Variants in KCNH2 observed in about 807,000 individuals in gnomAD.
KCNH2 encodes the protein potassium voltage-gated channel subfamily H member 2.
A neutral mutation model predicts 95.9 loss-of-function variants in KCNH2; 35 were observed. That is an observed-to-expected ratio of 0.37 (90% confidence interval 0.28 to 0.48). The LOEUF is 0.48. KCNH2 is among the 20% of genes least tolerant of loss of function. The pLI, the probability that KCNH2 is intolerant of heterozygous loss-of-function variation, is 0.99. For synonymous variants in KCNH2, 786 were observed against 754.7 expected (o/e 1.04, Z -0.68); for missense variants, 1,274 against 1,702.9 (o/e 0.75, Z 4.43).
rs1802021837 is a variant in KCNH2, at chr7:150,977,994, C to T, written c.-81G>A. On this transcript the variant is annotated 5_prime_UTR_variant, in exon 1 of 15. Transcript: ENST00000262186. ...CAGCACTAGGCTTCGGGTGGCCCGG[C>T]CGGGCCGTGGTCCCCGCACCCCGCG... 9 of 715,288 alleles carry T rather than the reference C, an allele frequency of 1.3e-5. No homozygotes were observed. The highest frequency in any genetic ancestry group is 1.7e-5 in the Non-Finnish European group (9 of 517,822). 44.3% of individuals were successfully genotyped at this position (715,288 alleles called of 1,614,324 possible). A position where few individuals can be genotyped will look rare whatever the true frequency, so the allele number is the denominator to read the frequency against.
chr7:150,976,563 G>T (rs1391368220), intron 1 of KCNH2, among the ~76,000 whole-genome samples: 2 of 152,068 alleles, frequency 1.3e-5, no homozygotes, highest in Non-Finnish European at 2.9e-5. Context: ...AAGTTTCTTC[G>T]AAGGCATGCC....
intron 6 of KCNH2, 69 bp from the exon 7 acceptor site, chr7:150,951,904 C>T (rs1436595016): frequency 1.2e-5 from 17 of 1,425,034 alleles, no homozygotes; most frequent in East Asian, 4.6e-5. Context: ...GGAGGTGCTG[C>T]GGCCCTCAGA....
chr7:150,969,687 C>A (rs938491313), intron 2 of KCNH2, among the ~76,000 whole-genome samples: 5 of 152,210 alleles, frequency 3.3e-5, no homozygotes, highest in African/African-American at 9.6e-5. Flanking sequence ...CACGCAGATA[C>A]AACAGAGAAC....
intron 5 of KCNH2, chr7:150,955,846 C>A: frequency 1.0e-6 from 1 of 965,726 alleles, no homozygotes; most frequent in Admixed American, 5.7e-5. Context: ...TCTACCAGGT[C>A]CCCACCCCCA....
chr7:150,948,407 T>G, intron 11 of KCNH2, 37 bp downstream of exon 11: 5 of 1,219,282 alleles, frequency 4.1e-6, no homozygotes, highest in South Asian at 3.9e-5. Context: ...CCTCACCTTG[T>G]CCCCGCCCTC....
Position 150,952,327 on chromosome 7 carries a change from T to C in KCNH2, c.1557+98A>G. On this transcript the variant is annotated intron_variant, in intron 6 of 14. Coordinates refer to ENST00000262186, the MANE Select transcript of KCNH2 (RefSeq NM_000238.4). The surrounding 1 kb of genome is among the most constrained non-coding windows in gnomAD (Gnocchi z 7.3). Reference sequence around the variant, plus strand: ...TTCTCTCTTTCTCTCTCTCTCTCTTTTTCTCTGTCCTCCTCGCCACCCCCT... The same window carrying C: ...TTCTCTCTTTCTCTCTCTCTCTCTTCTTCTCTGTCCTCCTCGCCACCCCCT... 1 of 1,234,854 alleles carries C rather than the reference T, an allele frequency of 8.1e-7. No homozygotes were observed. The highest frequency in any genetic ancestry group is 1.2e-6 in the Non-Finnish European group (1 of 866,434). The allele number at this position is 1,234,854 out of a possible 1,614,324, so 76.5% of individuals were successfully genotyped here.
rs1242417527 is a variant in KCNH2 at position 150,947,805 on chromosome 7, C to T, written c.2766G>A (p.Arg922=). Residue 922 remains arginine (R), a synonymous_variant, in exon 12 of 15, where the codon CGG becomes CGA. Coordinates refer to ENST00000262186, the MANE Select transcript of KCNH2 (RefSeq NM_000238.4). The part of the protein sequence containing the change: ...RAGAGPSSRG[R]PGGPWGESPS... Reference sequence around the variant, plus strand: ...GGCTCTCCCCCCACGGCCCCCCCGGCCGGCCCCGGCTACTCGGCCCTGCCC... The same window carrying T: ...GGCTCTCCCCCCACGGCCCCCCCGGTCGGCCCCGGCTACTCGGCCCTGCCC... The T allele has an allele frequency of 6.5e-7, 1 of 1,530,572 alleles. No individual in the cohort carries two copies. The highest frequency in any genetic ancestry group is 8.7e-7 in the Non-Finnish European group (1 of 1,143,588). The allele number at this position is 1,530,572 out of a possible 1,614,324, so 94.8% of individuals were successfully genotyped here. A position where few individuals can be genotyped will look rare whatever the true frequency, so the allele number is the denominator to read the frequency against.
chr7:150,977,392 A>G (rs1367724779), intron 1 of KCNH2, among the ~76,000 whole-genome samples: 2 of 152,160 alleles, frequency 1.3e-5, no homozygotes, highest in African/African-American at 2.4e-5. Flanking sequence ...ACGGCTTTTC[A>G]GTCCCTCCGG....
Position 150,957,277 on chromosome 7 carries a change from C to T in KCNH2, c.1128+14G>A, listed in dbSNP as rs1017169925. 6.4e-6 allele frequency: 10 copies of T among 1,554,158 alleles called. No homozygotes were observed. Among genetic ancestry groups the T allele is most frequent in the African/African-American group, 5.5e-5 (4 of 73,364 alleles). The stretch of plus-strand genomic sequence containing the variant: ...CTCCAAGGTGAGAGGAGAGCCCGGC[C>T]GCTGGGCGCCTACCTGGGTGACCTT... On this transcript the variant is annotated intron_variant, in intron 5 of 14. Coordinates refer to ENST00000262186, the MANE Select transcript of KCNH2 (RefSeq NM_000238.4).
At position 150,948,502 on chromosome 7, in the gene KCNH2, C is replaced by T. The variant is rs1463041004; in HGVS notation, c.2634G>A (p.Glu878=). The change falls in exon 11 of 15, where the codon GAG becomes GAA. Residue 878 remains glutamate, a synonymous_variant. Transcript: ENST00000262186. ...IPGSPGSTEL[E]GGFSRQRKRK... is the part of the protein sequence containing the mutation. ...GCTTGCGTTGCCGACTGAAGCCACCCTCTAACTCCGTACTGCCGGGGGAGC... is the reference window on the plus strand; with the variant it reads ...GCTTGCGTTGCCGACTGAAGCCACCTTCTAACTCCGTACTGCCGGGGGAGC... The T allele has an allele frequency of 1.9e-6, 3 of 1,613,700 alleles. No homozygotes were observed. The highest frequency in any genetic ancestry group is 2.5e-6 in the Non-Finnish European group (3 of 1,180,032).
rs1159954711 is a variant in KCNH2 at position 150,952,391 on chromosome 7, C to T, written c.1557+34G>A. 3 of 1,606,748 alleles carry T rather than the reference C, an allele frequency of 1.9e-6. No individual in the cohort carries two copies. Among genetic ancestry groups the T allele is most frequent in the African/African-American group, 2.7e-5 (2 of 74,732 alleles). ...TCCCACCACATTCCTGGCCTCTCCT[C>T]TCCCTACACCACCTGCCTCCTTGCT... On this transcript the variant is annotated intron_variant, in intron 6 of 14. Coordinates refer to ENST00000262186, the MANE Select transcript of KCNH2 (RefSeq NM_000238.4). The surrounding 1 kb of genome is among the most constrained non-coding windows in gnomAD (Gnocchi z 7.3).
rs199473545 is a variant in KCNH2, at chr7:150,946,929, G to C, written c.3278C>G (p.Pro1093Arg). 6.2e-7 allele frequency: 1 copy of C among 1,602,214 alleles called. No individual in the cohort carries two copies. Among genetic ancestry groups the C allele is most frequent in the Non-Finnish European group, 8.5e-7 (1 of 1,172,526 alleles). The change falls in exon 14 of 15, where the codon CCG becomes CGG. Residue 1093 changes from proline (P) to arginine (R), a missense_variant. Around this residue, in one of 7 missense-constraint regions of KCNH2, gnomAD observed 457 missense variants for 416.1 expected, o/e 1.10. Transcript: ENST00000262186. This position sits in a 1 kb window ranked among gnomAD's most constrained non-coding sequence, Gnocchi z 6.5. ...TPGPGPTSTS[P>R]LLPVSPLPTL... ...GGGGAGGGGGCTGACGGGCAACAGC[G>C]GGGATGTGGAAGTGGGGCCAGGCCC...
Position 150,948,515 on chromosome 7 carries a change from C to A in KCNH2, c.2621G>T (p.Ser874Ile). The change falls in exon 11 of 15, where the codon AGT becomes ATT. Residue 874 changes from serine (S) to isoleucine (I), a missense_variant. Physicochemically the swap from Ser to Ile is moderately radical, Grantham distance 142. Transcript: ENST00000262186. ...DTNMIPGSPG[S>I]TELEGGFSRQ... ...ACTGAAGCCACCCTCTAACTCCGTA[C>A]TGCCGGGGGAGCCCGGGATCATGTT... 4 of 1,608,620 alleles carry A rather than the reference C, an allele frequency of 2.5e-6. No individual in the cohort carries two copies. The highest frequency in any genetic ancestry group is 3.4e-6 in the Non-Finnish European group (4 of 1,176,848).
chr7:150,970,116 G>C (rs566893285), intron 2 of KCNH2, among the ~76,000 whole-genome samples: 9 of 152,276 alleles, frequency 5.9e-5, no homozygotes, highest in Admixed American at 3.3e-4. Flanking sequence ...TAAGGAAAAA[G>C]GAGCACTCTA....
At chr7:150,975,665 G>C (rs2117066947) in intron 1 of KCNH2, among the ~76,000 whole-genome samples, 1 of 152,342 alleles carries the variant, frequency 6.6e-6, no homozygotes, top group South Asian at 2.1e-4. Context: ...AAGAAACCAA[G>C]GCTCCAGAGA....
At chr7:150,953,908 C>T (rs1260907511) in intron 5 of KCNH2, among the ~76,000 whole-genome samples, 2 of 152,232 alleles carry the variant, frequency 1.3e-5, no homozygotes, top group Non-Finnish European at 2.9e-5. Context: ...CCCCCACACC[C>T]TCAGGCTTTT....
chr7:150,956,442 G>T (rs1048376423), intron 5 of KCNH2, among the ~76,000 whole-genome samples: 6 of 152,130 alleles, frequency 3.9e-5, no homozygotes, highest in Non-Finnish European at 8.8e-5. Flanking sequence ...CTTGGGACAG[G>T]AGTCCTCCAC....
In KCNH2 at chr7:150,977,965, G is replaced by GGCCCA; in HGVS notation, c.-57_-53dup. The GGCCCA allele has an allele frequency of 8.4e-7, 1 of 1,185,884 alleles. No individual in the cohort carries two copies. Among genetic ancestry groups the GGCCCA allele is most frequent in the South Asian group, 1.6e-5 (1 of 63,428 alleles). The allele number at this position is 1,185,884 out of a possible 1,614,324, so 73.5% of individuals were successfully genotyped here. A position where few individuals can be genotyped will look rare whatever the true frequency, so the allele number is the denominator to read the frequency against. On this transcript the variant is annotated 5_prime_UTR_variant, in exon 1 of 15. Transcript: ENST00000262186. ...GCCCCCACCCACCCCGGCCCGGCCC[G>GGCCCA]GCCCAGCACTAGGCTTCGGGTGGCC...
chr7:150,966,369 T>G (rs1801701865), intron 2 of KCNH2, among the ~76,000 whole-genome samples: 1 of 125,814 alleles, frequency 7.9e-6, no homozygotes, highest in Non-Finnish European at 1.7e-5. Flanking sequence ...AATTCCTCAT[T>G]GATTTGCCCC....
Sources: allele counts gnomAD v4.1 joint callset (sites outside exome capture counted in the v4.1 genomes callset), GRCh38; gene constraint gnomAD v4.1.1; regional missense constraint gnomAD v4.1.1; non-coding constraint Gnocchi (gnomAD v3.1); transcripts MANE v1.5; gene names NCBI Gene and HGNC (gene_info 2026-07-23, HGNC 2026-07-21).